The following FBXO31 variants were observed in gnomAD, a reference collection of about 807,000 sequenced individuals.
FBXO31 encodes the protein F-box only protein 31.
Under a neutral mutation model 54.4 loss-of-function variants are expected in FBXO31, and 24 were observed. That is an observed-to-expected ratio of 0.44 (90% CI 0.32 to 0.62). The LOEUF (loss-of-function observed/expected upper bound fraction) is 0.62, where lower values mean the gene tolerates loss of function less well. FBXO31 is among the 20% of genes least tolerant of loss of function. The probability of loss-of-function intolerance (pLI) is 0.05; values close to 1 mark genes in which losing one functional copy is unlikely to be tolerated. For missense variants in FBXO31, 665 were observed against 787.1 expected, an observed-to-expected ratio of 0.84 and a Z score of 1.86; for synonymous variants, 388 against 335.6, an observed-to-expected ratio of 1.16 and a Z score of -1.71.
At chr16:87,365,089 T>C (rs1283055627) in intron 1 of FBXO31, among the ~76,000 whole-genome samples, 3 of 135,992 alleles carry the variant, frequency 2.2e-5, no homozygotes, top group African/African-American at 8.4e-5. Flanking sequence ...GATATAAAGG[T>C]CTTTGCAGTG....
intron 8 of FBXO31, among the ~76,000 whole-genome samples, chr16:87,333,492 C>A (rs1326723749): frequency 6.6e-6 from 1 of 152,206 alleles, no homozygotes; most frequent in East Asian, 1.9e-4. Context: ...GGGGAAGGGG[C>A]CTTGTTCATT....
Position 87,350,281 on chromosome 16 carries a change from T to C in FBXO31, c.413-3031A>G, listed in dbSNP as rs147488853. Among the ~76,000 whole-genome samples, 428 of 152,146 alleles carry C rather than the reference T, an allele frequency of 2.8e-3. 3 individuals carry two copies. The highest frequency in any genetic ancestry group is 9.9e-3 in the African/African-American group (409 of 41,508). ...TCTAAGGCACAGGGAGTAAGAAACT[T>C]CTCAAGCCTTTGGAGAAGACGCTAG... On this transcript the variant is annotated intron_variant, in intron 2 of 8. Coordinates refer to ENST00000311635, the MANE Select transcript of FBXO31 (RefSeq NM_024735.5).
At chr16:87,331,894 T>A (rs1904873333) in intron 8 of FBXO31, among the ~76,000 whole-genome samples, 1 of 152,160 alleles carries the variant, frequency 6.6e-6, no homozygotes, top group South Asian at 2.1e-4. Flanking sequence ...ACACATTTCA[T>A]AAAGGAGGCC....
In FBXO31 at chr16:87,334,276, T is replaced by C. The variant is rs151315129; in HGVS notation, c.1007A>G (p.Asn336Ser). The change falls in exon 8 of 9, where the codon AAC becomes AGC. Residue 336 changes from asparagine (N) to serine (S), a missense_variant. By Grantham distance (46) the Asn-to-Ser change is conservative. Transcript: ENST00000311635. Reference protein sequence around the residue: ...ARGTKITGDPNIPAGQQTVEI... With the variant: ...ARGTKITGDPSIPAGQQTVEI... ...CACTGTCTGCTGCCCAGCGGGGATG[T>C]TGGGGTCGCCCTGTGGAGCAGGTGG... is the stretch of plus-strand genomic sequence containing the variant. The C allele has an allele frequency of 3.8e-6, 6 of 1,580,434 alleles. No homozygotes were observed. Among genetic ancestry groups the C allele is most frequent in the African/African-American group, 2.7e-5 (2 of 74,328 alleles).
At chr16:87,376,860 C>T (rs912272501) in intron 1 of FBXO31, among the ~76,000 whole-genome samples, 2 of 152,196 alleles carry the variant, frequency 1.3e-5, no homozygotes, top group Non-Finnish European at 2.9e-5. Context: ...TCCACCATAA[C>T]GAAATGTTAG....
rs1003420031 is a variant in FBXO31 at position 87,383,041 on chromosome 16, G to A, written c.340+364C>T. 2.0e-5 allele frequency among the ~76,000 whole-genome samples: 3 copies of A among 152,142 alleles called. No homozygotes were observed. The highest frequency in any genetic ancestry group is 6.5e-5 in the Admixed American group (1 of 15,284). ...GAGGCGGCCCCCAGGCGTCAGCTTAGGCCCCGCGCAGACCTCGAGGGATCC... is the reference window on the plus strand; with the variant it reads ...GAGGCGGCCCCCAGGCGTCAGCTTAAGCCCCGCGCAGACCTCGAGGGATCC... On this transcript the variant is annotated intron_variant, in intron 1 of 8. Transcript: ENST00000311635. This position sits in a 1 kb window ranked among gnomAD's most constrained non-coding sequence, Gnocchi z 4.9.
chr16:87,334,607 G>A (rs1439668893), intron 7 of FBXO31, among the ~76,000 whole-genome samples: 2 of 152,256 alleles, frequency 1.3e-5, no homozygotes, highest in Non-Finnish European at 2.9e-5. Context: ...CTCGGGAGCC[G>A]AGCCCTGGGA....
At chr16:87,371,641 G>A (rs1906607583) in intron 1 of FBXO31, among the ~76,000 whole-genome samples, 1 of 152,276 alleles carries the variant, frequency 6.6e-6, no homozygotes, top group Non-Finnish European at 1.5e-5. Context: ...TGTTTTTTGA[G>A]AGGACACTCG....
At position 87,336,964 on chromosome 16, in the gene FBXO31, C is replaced by G. The variant is rs1422321798; in HGVS notation, c.733-700G>C. Among the ~76,000 whole-genome samples the G allele has an allele frequency of 6.6e-6, 1 of 152,146 alleles. No homozygotes were observed. The highest frequency in any genetic ancestry group is 2.4e-5 in the African/African-American group (1 of 41,420). On this transcript the variant is annotated intron_variant, in intron 5 of 8. Transcript: ENST00000311635. This position sits in a 1 kb window ranked among gnomAD's most constrained non-coding sequence, Gnocchi z 6.5. ...TCAATACAGTGTTTCCAGTCATTAT[C>G]TAGACCTAACTCTGAAAGGGACGCA...
At chr16:87,366,318 C>T (rs538565695) in intron 1 of FBXO31, among the ~76,000 whole-genome samples, 2 of 152,272 alleles carry the variant, frequency 1.3e-5, no homozygotes, top group South Asian at 4.1e-4. Context: ...AACTCTCTGC[C>T]CTTCCTTGCA....
chr16:87,391,042 G>C (rs1907522834), upstream of FBXO31, among the ~76,000 whole-genome samples: 1 of 152,214 alleles, frequency 6.6e-6, no homozygotes, highest in Non-Finnish European at 1.5e-5. Flanking sequence ...CAAAGTATTA[G>C]ATGTTAAAGA....
chr16:87,385,187 G>C (rs1295047430), upstream of FBXO31, among the ~76,000 whole-genome samples: 1 of 151,008 alleles, frequency 6.6e-6, no homozygotes, highest in East Asian at 1.9e-4. Flanking sequence ...GGCCGGGCGC[G>C]GTGGCTCACG....
At position 87,351,738 on chromosome 16, in the gene FBXO31, G is replaced by A. The variant is rs574562026; in HGVS notation, c.413-4488C>T. ...AAAAAAATTAGCCAGACATCGTGGC[G>A]TACGCCTATAATCCCAGCTACGTGG... On this transcript the variant is annotated intron_variant, in intron 2 of 8. Transcript: ENST00000311635. Among the ~76,000 whole-genome samples the A allele has an allele frequency of 3.3e-5, 5 of 152,238 alleles. No homozygotes were observed. In the Middle Eastern group the frequency reaches 0.014, roughly 414 times the overall value.
At chr16:87,343,547 A>C in intron 4 of FBXO31, 51 bp downstream of exon 4, 1 of 1,551,148 alleles carries the variant, frequency 6.4e-7, no homozygotes, top group Non-Finnish European at 8.7e-7. Context: ...GCTGGAGCCC[A>C]CACAGGACAG....
chr16:87,329,122 A>C lies in FBXO31; in HGVS notation c.*2166T>G, dbSNP rs1380869392. 6.6e-6 allele frequency: 1 copy of C among 152,362 alleles called. No individual in the cohort carries two copies. The highest frequency in any genetic ancestry group is 1.5e-5 in the Non-Finnish European group (1 of 68,134). 9.4% of individuals were successfully genotyped at this position (152,362 alleles called of 1,614,324 possible). A position where few individuals can be genotyped will look rare whatever the true frequency, so the allele number is the denominator to read the frequency against. On this transcript the variant is annotated 3_prime_UTR_variant, in exon 9 of 9. Transcript: ENST00000311635. ...AGCGGAAAAAACAAGACCTGTAGTCACGACTGAAGGGACTGGCTGTGCGGC... is the reference window on the plus strand; with the variant it reads ...AGCGGAAAAAACAAGACCTGTAGTCCCGACTGAAGGGACTGGCTGTGCGGC...
chr16:87,349,900 C>A (rs1905571389), intron 2 of FBXO31, among the ~76,000 whole-genome samples: 1 of 125,214 alleles, frequency 8.0e-6, no homozygotes, highest in Non-Finnish European at 1.9e-5. Flanking sequence ...CAGAGCAAGA[C>A]CCTATCTCAA....
intron 1 of FBXO31, among the ~76,000 whole-genome samples, chr16:87,379,381 A>G (rs918081709): frequency 2.0e-5 from 3 of 152,216 alleles, no homozygotes; most frequent in African/African-American, 7.2e-5. Context: ...GGCATGGGGT[A>G]GGTACAAGGA....
chr16:87,331,486 C>A lies in FBXO31; in HGVS notation c.1422G>T (p.Ala474=). ...RMCFYGTGLI[A]GHGFTSPERT... Reference sequence around the variant, plus strand: ...GTTCAGGGCTGGTGAAGCCGTGGCCCGCGATGAGGCCTGTGCCATAAAAAC... The same window carrying A: ...GTTCAGGGCTGGTGAAGCCGTGGCCAGCGATGAGGCCTGTGCCATAAAAAC... The change falls in exon 9 of 9, where the codon GCG becomes GCT. Residue 474 remains alanine, a synonymous_variant. Coordinates refer to ENST00000311635, the MANE Select transcript of FBXO31 (RefSeq NM_024735.5). 1 of 1,610,388 alleles carries A rather than the reference C, an allele frequency of 6.2e-7. No individual in the cohort carries two copies. The highest frequency in any genetic ancestry group is 8.5e-7 in the Non-Finnish European group (1 of 1,177,716).
intron 1 of FBXO31, among the ~76,000 whole-genome samples, chr16:87,380,166 C>T (rs948498017): frequency 6.6e-6 from 1 of 150,784 alleles, no homozygotes; most frequent in Admixed American, 6.6e-5. Context: ...GGCATAGTGG[C>T]GGGCGCCTGT....
Sources: allele counts gnomAD v4.1 joint callset (sites outside exome capture counted in the v4.1 genomes callset), GRCh38; gene constraint gnomAD v4.1.1; non-coding constraint Gnocchi (gnomAD v3.1); transcripts MANE v1.5; gene names NCBI Gene and HGNC (gene_info 2026-07-23, HGNC 2026-07-21).